The following NDUFS4 variants were observed in gnomAD, a reference collection of about 807,000 sequenced individuals.
The protein encoded by NDUFS4 is NADH:ubiquinone oxidoreductase subunit S4.
A neutral mutation model predicts 24.3 loss-of-function variants in NDUFS4; 28 were observed. The ratio of observed to expected loss-of-function variants is 1.15; its 90% CI spans 0.85 to 1.58. NDUFS4 has a LOEUF of 1.58. NDUFS4 is among the 40% of genes most tolerant of loss of function. NDUFS4 has a pLI of 0.00. For synonymous variants in NDUFS4, 93 were observed against 69.7 expected (o/e 1.34, Z -1.67); for missense variants, 223 against 207.9 (o/e 1.07, Z -0.45).
intron 2 of NDUFS4, among the ~76,000 whole-genome samples, chr5:53,622,362 C>G (rs1445764128): frequency 6.6e-6 from 1 of 152,078 alleles, no homozygotes; most frequent in Non-Finnish European, 1.5e-5. Flanking sequence ...GCTAGAATTC[C>G]GAGGTTAAGG....
intron 4 of NDUFS4, among the ~76,000 whole-genome samples, chr5:53,676,845 A>AT (rs147725734): frequency 0.1 from 15,167 of 151,364 alleles, 825 homozygotes; most frequent in Middle Eastern, 0.13. Flanking sequence ...TTCATGAAAG[A>AT]TTTTTTTTTT....
chr5:53,643,765 CA>C (rs1751766926), intron 2 of NDUFS4, among the ~76,000 whole-genome samples: 4 of 152,072 alleles, frequency 2.6e-5, no homozygotes, highest in African/African-American at 9.7e-5. Context: ...TGAGAGATGC[CA>C]AGCCTCTTTA....
At chr5:53,633,082 T>C (rs1751451631) in intron 2 of NDUFS4, among the ~76,000 whole-genome samples, 1 of 152,214 alleles carries the variant, frequency 6.6e-6, no homozygotes, top group Non-Finnish European at 1.5e-5. Context: ...TCAGCGAGCT[T>C]ACTTCCATAC....
chr5:53,627,489 G>A (rs1253559040), intron 2 of NDUFS4, among the ~76,000 whole-genome samples: 3 of 152,044 alleles, frequency 2.0e-5, no homozygotes, highest in Non-Finnish European at 2.9e-5. Flanking sequence ...TTATTTTCAC[G>A]ATATTGATTC....
chr5:53,584,391 T>C (rs1017983907), intron 1 of NDUFS4, among the ~76,000 whole-genome samples: 1 of 152,130 alleles, frequency 6.6e-6, no homozygotes, highest in Admixed American at 6.5e-5. Context: ...GTTTCGGCCT[T>C]ATCACCCAGG....
intron 4 of NDUFS4, among the ~76,000 whole-genome samples, chr5:53,671,707 G>T (rs1740251500): frequency 1.3e-5 from 2 of 152,162 alleles, no homozygotes; most frequent in East Asian, 3.9e-4. Context: ...AGGATGGGGG[G>T]TGGAGGAAGC....
intron 1 of NDUFS4, among the ~76,000 whole-genome samples, chr5:53,575,584 T>C (rs13164833): frequency 0.37 from 47,642 of 129,796 alleles, 9,150 homozygotes; most frequent in African/African-American, 0.53. Flanking sequence ...CTCTGTCGCC[T>C]AGGCTGGAGT....
chr5:53,649,518 G>A (rs576805221), intron 3 of NDUFS4, among the ~76,000 whole-genome samples: 1 of 152,246 alleles, frequency 6.6e-6, no homozygotes, highest in African/African-American at 2.4e-5. Context: ...CATCCATGTT[G>A]CCACAGAGGA....
chr5:53,658,393 G>A (rs1752224320), intron 3 of NDUFS4, among the ~76,000 whole-genome samples, 158 bp from the exon 4 acceptor site: 2 of 151,966 alleles, frequency 1.3e-5, no homozygotes, highest in Admixed American at 6.5e-5. Flanking sequence ...ACAGAAAAAG[G>A]TATTCCAACT....
intron 1 of NDUFS4, among the ~76,000 whole-genome samples, chr5:53,598,181 A>AAG (rs70983364): frequency 0.69 from 105,177 of 151,900 alleles, 36,939 homozygotes; most frequent in African/African-American, 0.8. Context: ...AGCACTTTGG[A>AAG]AGAGTCTGGC....
At chr5:53,675,619 T>G (rs943326859) in intron 4 of NDUFS4, among the ~76,000 whole-genome samples, 4 of 152,194 alleles carry the variant, frequency 2.6e-5, no homozygotes, top group African/African-American at 9.6e-5. Context: ...AGCCATGAAT[T>G]AATAATACAA....
intron 2 of NDUFS4, among the ~76,000 whole-genome samples, chr5:53,627,790 A>G (rs556079120): frequency 9.8e-5 from 15 of 152,308 alleles, no homozygotes; most frequent in African/African-American, 2.9e-4. Flanking sequence ...GGCTGAGACC[A>G]TGGTACTTTC....
chr5:53,674,878 G>A (rs1213238165), intron 4 of NDUFS4, among the ~76,000 whole-genome samples: 7 of 151,786 alleles, frequency 4.6e-5, no homozygotes, highest in African/African-American at 1.5e-4. Flanking sequence ...TTATATATTT[G>A]ACATTGATAA....
At chr5:53,629,612 T>A (rs1751343584) in intron 2 of NDUFS4, among the ~76,000 whole-genome samples, 1 of 152,234 alleles carries the variant, frequency 6.6e-6, no homozygotes, top group South Asian at 2.1e-4. Context: ...CTTGTTGAAT[T>A]GATCCCTTTA....
At chr5:53,578,512 T>C (rs12654843) in intron 1 of NDUFS4, among the ~76,000 whole-genome samples, 1 of 152,172 alleles carries the variant, frequency 6.6e-6, no homozygotes, top group African/African-American at 2.4e-5. Context: ...AGCAGACTAG[T>C]TAAGAACACA....
rs1027641586 is a variant in NDUFS4, at chr5:53,570,766, C to T, written c.98+10006C>T. On this transcript the variant is annotated intron_variant, in intron 1 of 4. Transcript: ENST00000296684. The stretch of plus-strand genomic sequence containing the variant: ...TGGCACGATCTTGGCTCACTGCAAG[C>T]TCCGCCTCCCAGGTTCAAGTGATTG... Among the ~76,000 whole-genome samples the T allele has an allele frequency of 5.4e-5, 8 of 148,536 alleles. No individual in the cohort carries two copies. The East Asian group carries it at 1.6e-3, about 30-fold the overall frequency.
chr5:53,576,168 G>A (rs1749383158), intron 1 of NDUFS4, among the ~76,000 whole-genome samples: 1 of 152,188 alleles, frequency 6.6e-6, no homozygotes, highest in African/African-American at 2.4e-5. Flanking sequence ...ATCAGAGTGG[G>A]GGATTAATGG....
At chr5:53,656,638 A>G (rs1049927882) in intron 3 of NDUFS4, among the ~76,000 whole-genome samples, 1 of 152,230 alleles carries the variant, frequency 6.6e-6, no homozygotes, top group Non-Finnish European at 1.5e-5. Context: ...GAGTAATTAA[A>G]AAGAAGGCTA....
intron 3 of NDUFS4, among the ~76,000 whole-genome samples, chr5:53,654,957 A>G (rs1472525459): frequency 6.6e-6 from 1 of 152,204 alleles, no homozygotes; most frequent in African/African-American, 2.4e-5. Flanking sequence ...GGTGTAGAAC[A>G]AAAAGCAATC....
Sources: allele counts gnomAD v4.1 joint callset (sites outside exome capture counted in the v4.1 genomes callset), GRCh38; gene constraint gnomAD v4.1.1; transcripts MANE v1.5; gene names NCBI Gene and HGNC (gene_info 2026-07-23, HGNC 2026-07-21).